Variants in ANKDD1A observed in about 807,000 individuals in gnomAD.
ANKDD1A encodes the protein ankyrin repeat and death domain-containing protein 1A.
Under a neutral mutation model 63.5 loss-of-function variants are expected in ANKDD1A, and 59 were observed. The ratio of observed to expected loss-of-function variants is 0.93; its 90% CI spans 0.75 to 1.15. ANKDD1A has a LOEUF of 1.15. ANKDD1A is among the 50% of genes most tolerant of loss of function. ANKDD1A has a pLI of 0.00. For synonymous variants in ANKDD1A, 266 were observed against 263.9 expected (o/e 1.01, Z -0.08); for missense variants, 632 against 656.4 (o/e 0.96, Z 0.41).
At chr15:64,936,002 C>T (rs1282211251) in intron 9 of ANKDD1A, among the ~76,000 whole-genome samples, 1 of 152,146 alleles carries the variant, frequency 6.6e-6, no homozygotes, top group South Asian at 2.1e-4. Flanking sequence ...ACTGAATAAT[C>T]CTGGGCAAGC....
At chr15:64,954,020 TC>T (rs1555367050) in intron 14 of ANKDD1A, among the ~76,000 whole-genome samples, 1 of 78,014 alleles carries the variant, frequency 1.3e-5, no homozygotes, top group Non-Finnish European at 2.6e-5. Context: ...CCTTCTTTCC[TC>T]TTCTTTTCTT....
intron 14 of ANKDD1A, among the ~76,000 whole-genome samples, chr15:64,954,846 CCTT>C (rs141456893): frequency 0.53 from 71,462 of 136,020 alleles, 18,858 homozygotes; most frequent in East Asian, 0.83. Flanking sequence ...CTTTCTTCTT[CCTT>C]CTTCTTCTTT....
intron 14 of ANKDD1A, among the ~76,000 whole-genome samples, chr15:64,953,481 TCTC>T (rs1188154747): frequency 4.5e-5 from 4 of 89,712 alleles, no homozygotes; most frequent in African/African-American, 6.6e-5. Flanking sequence ...TCCTCTTCCT[TCTC>T]CTTCTTCTTT....
intron 10 of ANKDD1A, 188 bp from the exon 11 acceptor site, chr15:64,943,296 T>TA (rs1555442667): frequency 2.3e-4 from 136 of 578,870 alleles, no homozygotes; most frequent in African/African-American, 1.2e-3. Flanking sequence ...CATGTTGGGG[T>TA]AAAAAAATTA....
chr15:64,951,691 CTCT>C (rs201398797), intron 14 of ANKDD1A, among the ~76,000 whole-genome samples: 42,880 of 117,172 alleles, frequency 0.37, 7,891 homozygotes, highest in South Asian at 0.49. Context: ...TTTCTTCTTC[CTCT>C]TCTTCTTCCT....
At chr15:64,953,934 T>TTTTCTTTCTTCCC (rs199594032) in intron 14 of ANKDD1A, among the ~76,000 whole-genome samples, 44 of 126,652 alleles carry the variant, frequency 3.5e-4, no homozygotes, top group African/African-American at 1.2e-3. Context: ...TTCTTTTTTC[T>TTTTCTTTCTTCCC]TTTCTTCCTC....
intron 4 of ANKDD1A, 80 bp downstream of exon 4, chr15:64,922,099 C>T (rs1033457620): frequency 8.9e-6 from 12 of 1,346,020 alleles, no homozygotes; most frequent in Non-Finnish European, 1.0e-5. Context: ...CTCTGTCCCC[C>T]ACCCCTGCTT....
chr15:64,954,048 CTTTT>C (rs2085371743), intron 14 of ANKDD1A, among the ~76,000 whole-genome samples: 1 of 62,240 alleles, frequency 1.6e-5, no homozygotes, highest in Admixed American at 2.4e-4. Context: ...TCCTCTTCTT[CTTTT>C]CTCCTTCTTC....
At chr15:64,949,067 G>A (rs531205151) in intron 13 of ANKDD1A, among the ~76,000 whole-genome samples, 28 of 152,346 alleles carry the variant, frequency 1.8e-4, no homozygotes, top group African/African-American at 6.0e-4. Context: ...CATGCCTGCT[G>A]AGGGCCCCAA....
Position 64,952,079 on chromosome 15 carries a change from CCTTCT to C in ANKDD1A, c.1483+2108_1483+2112del, listed in dbSNP as rs1379008010. ...TCTTAGTTCTTCCTTTCTTCTTCTT[CCTTCT>C]TTTCTTCCTCTTCTTCCTTCTTTTC... On this transcript the variant is annotated intron_variant, in intron 14 of 14. Coordinates refer to ENST00000319580, the MANE Select transcript of ANKDD1A (RefSeq NM_182703.6). 4.5e-3 allele frequency among the ~76,000 whole-genome samples: 23 copies of C among 5,150 alleles called. No homozygotes were observed. The East Asian group carries it at 0.09, about 20-fold the overall frequency. 3.4% of individuals were successfully genotyped at this position (5,150 alleles called of 152,430 possible).
At chr15:64,952,489 G>T (rs570267146) in intron 14 of ANKDD1A, among the ~76,000 whole-genome samples, 168 of 110,452 alleles carry the variant, frequency 1.5e-3, no homozygotes, top group African/African-American at 5.7e-3. Context: ...TTCTTCCTTC[G>T]TCACCGTCTT....
chr15:64,951,688 TTCC>T (rs1243191177), intron 14 of ANKDD1A, among the ~76,000 whole-genome samples: 8 of 76,998 alleles, frequency 1.0e-4, no homozygotes, highest in African/African-American at 2.7e-4. Context: ...TTCTTTCTTC[TTCC>T]TCTTCTTCTT....
At chr15:64,948,564 C>A (rs898948047) in intron 13 of ANKDD1A, among the ~76,000 whole-genome samples, 1 of 152,106 alleles carries the variant, frequency 6.6e-6, no homozygotes, top group Non-Finnish European at 1.5e-5. Context: ...GTGGCTCCCA[C>A]CTGTAATCTC....
At chr15:64,948,973 C>G (rs72739229) in intron 13 of ANKDD1A, among the ~76,000 whole-genome samples, 1 of 152,132 alleles carries the variant, frequency 6.6e-6, no homozygotes, top group Non-Finnish European at 1.5e-5. Flanking sequence ...ATTACAGTGG[C>G]GGGGGCAGAG....
At chr15:64,924,097 C>T (rs1335008836) in intron 4 of ANKDD1A, among the ~76,000 whole-genome samples, 1 of 152,232 alleles carries the variant, frequency 6.6e-6, no homozygotes, top group Non-Finnish European at 1.5e-5. Context: ...ACCTACAAGG[C>T]TGCAGTCAGC....
intron 14 of ANKDD1A, chr15:64,950,321 C>T (rs1042748859): frequency 1.8e-5 from 18 of 985,248 alleles, no homozygotes; most frequent in Middle Eastern, 5.2e-4. Flanking sequence ...ACTTTTTTCA[C>T]AAACATTAAG....
intron 8 of ANKDD1A, 67 bp downstream of exon 8, chr15:64,931,652 C>T (rs754547145): frequency 1.5e-5 from 23 of 1,527,544 alleles, no homozygotes; most frequent in South Asian, 1.5e-4. Context: ...TCGGCAGTAA[C>T]GGCCACAGGG....
intron 2 of ANKDD1A, among the ~76,000 whole-genome samples, chr15:64,917,100 C>T (rs780371640): frequency 4.6e-5 from 7 of 152,262 alleles, no homozygotes; most frequent in African/African-American, 1.2e-4. Flanking sequence ...GACCATGCAG[C>T]GCCTCATCAT....
At position 64,927,008 on chromosome 15, in the gene ANKDD1A, T is replaced by A. The variant is rs192904448; in HGVS notation, c.570+9T>A. On this transcript the variant is annotated intron_variant, in intron 6 of 14. Transcript: ENST00000319580. ...ACAATGTCAAAGACAAGGTACCGTGTCCGTGAGGCTCTGGGATCCTGACCA... is the reference window on the plus strand; with the variant it reads ...ACAATGTCAAAGACAAGGTACCGTGACCGTGAGGCTCTGGGATCCTGACCA... 30 of 1,614,072 alleles carry A rather than the reference T, an allele frequency of 1.9e-5. No individual in the cohort carries two copies. In the African/African-American group the frequency reaches 4.0e-4, roughly 22 times the overall value.
Sources: gnomAD v4.1 joint callset for allele counts (sites outside exome capture counted in the v4.1 genomes callset) on GRCh38, gnomAD v4.1.1 for gene constraint, MANE v1.5 for transcripts, NCBI Gene and HGNC (gene_info 2026-07-23, HGNC 2026-07-21) for gene names.